Variants in TMTC2 observed in about 807,000 individuals in gnomAD.
TMTC2 encodes protein O-mannosyl-transferase TMTC2.
TMTC2 carries 43 observed loss-of-function variants against 82.4 expected under a neutral mutation model. The ratio of observed to expected loss-of-function variants is 0.52; its 90% CI spans 0.41 to 0.67. TMTC2 has a LOEUF of 0.67. Ranked by LOEUF, TMTC2 falls within the 30% of genes least tolerant of loss-of-function variation. The pLI is 0.00. For synonymous variants in TMTC2, 408 were observed against 381.9 expected, an observed-to-expected ratio of 1.07 and a Z score of -0.80; for missense variants, 919 against 1,012.4, an observed-to-expected ratio of 0.91 and a Z score of 1.25.
chr12:82,883,329 G>A (rs868150910), intron 2 of TMTC2, among the ~76,000 whole-genome samples: 14 of 152,066 alleles, frequency 9.2e-5, no homozygotes, highest in African/African-American at 3.4e-4. Flanking sequence ...ATTAAGCATT[G>A]AAATTATATG....
At chr12:83,128,008 G>A (rs1334522625) in intron 11 of TMTC2, among the ~76,000 whole-genome samples, 1 of 152,164 alleles carries the variant, frequency 6.6e-6, no homozygotes, top group Non-Finnish European at 1.5e-5. Flanking sequence ...AACAAGGAAT[G>A]TCTGGTTCTC....
At chr12:82,881,598 T>G (rs1872826485) in intron 2 of TMTC2, among the ~76,000 whole-genome samples, 1 of 152,150 alleles carries the variant, frequency 6.6e-6, no homozygotes, top group South Asian at 2.1e-4. Flanking sequence ...CTTCTTAATA[T>G]TTTCCTTTGT....
At chr12:82,920,147 A>G (rs1474016020) in intron 3 of TMTC2, among the ~76,000 whole-genome samples, 4 of 152,120 alleles carry the variant, frequency 2.6e-5, no homozygotes, top group Non-Finnish European at 5.9e-5. Context: ...AACTCATTAT[A>G]ACTTCTTTTA....
intron 1 of TMTC2, among the ~76,000 whole-genome samples, chr12:82,699,140 A>G (rs1872953101): frequency 6.6e-6 from 1 of 152,104 alleles, no homozygotes; most frequent in African/African-American, 2.4e-5. Context: ...TGACTTTTTC[A>G]CTTGGAGTCT....
Position 83,132,227 on chromosome 12 carries a change from G to T in TMTC2, c.2349G>T (p.Met783Ile), listed in dbSNP as rs752019038. The change falls in exon 12 of 12, where the codon ATG (methionine) becomes ATT (isoleucine). Residue 783 changes from methionine (M) to isoleucine (I), a missense_variant. Physicochemically the swap from Met to Ile is conservative, Grantham distance 10. Coordinates refer to ENST00000321196, the MANE Select transcript of TMTC2 (RefSeq NM_152588.3). ...TGTTGCAGTATCCGGCTGCTTTGAT[G>T]AACCTGGGAGCCATTCTGCACCTCA... ...RLRPNYPAAL[M>I]NLGAILHLNG... is the part of the protein sequence containing the mutation. 1.2e-6 allele frequency: 2 copies of T among 1,608,272 alleles called. No individual in the cohort carries two copies. Among genetic ancestry groups the T allele is most frequent in the South Asian group, 2.2e-5 (2 of 89,778 alleles).
chr12:82,721,162 TATC>T (rs1166281271), intron 1 of TMTC2, among the ~76,000 whole-genome samples: 1 of 152,244 alleles, frequency 6.6e-6, no homozygotes, highest in Non-Finnish European at 1.5e-5. Flanking sequence ...TGTAAACAGC[TATC>T]ATCCTTCCTC....
intron 3 of TMTC2, among the ~76,000 whole-genome samples, chr12:82,900,986 A>G (rs1263019867): frequency 2.9e-4 from 3 of 10,472 alleles, no homozygotes; most frequent in African/African-American, 1.7e-3. Context: ...ATATATCTGG[A>G]ATATATATAT....
chr12:83,029,238 C>G (rs1183974859), intron 8 of TMTC2, among the ~76,000 whole-genome samples: 3 of 152,152 alleles, frequency 2.0e-5, no homozygotes, highest in Non-Finnish European at 4.4e-5. Context: ...AGCCTGCAGA[C>G]AGCATGTGGC....
At chr12:82,801,542 G>C (rs1481027052) in intron 1 of TMTC2, among the ~76,000 whole-genome samples, 2 of 152,148 alleles carry the variant, frequency 1.3e-5, no homozygotes, top group African/African-American at 4.8e-5. Flanking sequence ...CTGTTTTACA[G>C]AGAGCTGATT....
At chr12:82,696,209 A>T (rs1872780588) in intron 1 of TMTC2, among the ~76,000 whole-genome samples, 1 of 152,190 alleles carries the variant, frequency 6.6e-6, no homozygotes, top group African/African-American at 2.4e-5. Flanking sequence ...AGACATTTTT[A>T]TTTGCAGAAA....
intron 1 of TMTC2, among the ~76,000 whole-genome samples, chr12:82,794,551 A>G (rs907377575): frequency 2.0e-5 from 3 of 152,020 alleles, no homozygotes; most frequent in Non-Finnish European, 4.4e-5. Flanking sequence ...CTATGGTTCT[A>G]TTTTGTGTTA....
intron 1 of TMTC2, among the ~76,000 whole-genome samples, chr12:82,723,663 C>G (rs1260836803): frequency 1.3e-5 from 2 of 152,168 alleles, no homozygotes; most frequent in Non-Finnish European, 2.9e-5. Flanking sequence ...GAATTTTCCA[C>G]TTGTAGCATC....
chr12:83,115,834 C>T (rs1310998065), intron 11 of TMTC2, among the ~76,000 whole-genome samples: 1 of 152,080 alleles, frequency 6.6e-6, no homozygotes, highest in Admixed American at 6.6e-5. Flanking sequence ...GTTGCCCAAG[C>T]TGGAGTGCAG....
chr12:82,920,962 A>G (rs1875356018), intron 3 of TMTC2, among the ~76,000 whole-genome samples: 1 of 152,210 alleles, frequency 6.6e-6, no homozygotes, highest in African/African-American at 2.4e-5. Flanking sequence ...AATATGACAT[A>G]TAAAATTATA....
chr12:82,967,266 C>T lies in TMTC2; in HGVS notation c.1948+269C>T, dbSNP rs75954836. On this transcript the variant is annotated intron_variant, in intron 7 of 11. Transcript: ENST00000321196. ...AAAACATCTGGGTATGGAATATTAGCTAGACTCTAGAGACTGTAGAAATAA... is the reference window on the plus strand; with the variant it reads ...AAAACATCTGGGTATGGAATATTAGTTAGACTCTAGAGACTGTAGAAATAA... Among the ~76,000 whole-genome samples, 42 of 151,998 alleles carry T rather than the reference C, an allele frequency of 2.8e-4. No homozygotes were observed. In the East Asian group the frequency reaches 7.5e-3, roughly 27 times the overall value.
intron 2 of TMTC2, among the ~76,000 whole-genome samples, chr12:82,879,199 G>A (rs1318292602): frequency 6.6e-6 from 1 of 152,176 alleles, no homozygotes; most frequent in Non-Finnish European, 1.5e-5. Context: ...AGAGTACTTT[G>A]ATGAACAGAG....
intron 1 of TMTC2, among the ~76,000 whole-genome samples, chr12:82,746,000 T>G (rs1384125351): frequency 6.6e-6 from 1 of 152,226 alleles, no homozygotes; most frequent in Non-Finnish European, 1.5e-5. Flanking sequence ...AAGGTGCTGA[T>G]CCTAAATTGT....
At chr12:82,953,677 A>G (rs1300936478) in intron 4 of TMTC2, among the ~76,000 whole-genome samples, 2 of 152,220 alleles carry the variant, frequency 1.3e-5, no homozygotes, top group African/African-American at 4.8e-5. Context: ...TCTCATTACT[A>G]AAGCCATTAG....
At chr12:82,837,993 A>G (rs909252566) in intron 1 of TMTC2, among the ~76,000 whole-genome samples, 4 of 152,196 alleles carry the variant, frequency 2.6e-5, no homozygotes, top group African/African-American at 9.6e-5. Context: ...ATCTTTATTT[A>G]CATCACAAAA....
Sources: allele counts gnomAD v4.1 joint callset (sites outside exome capture counted in the v4.1 genomes callset), GRCh38; gene constraint gnomAD v4.1.1; transcripts MANE v1.5; gene names NCBI Gene and HGNC (gene_info 2026-07-23, HGNC 2026-07-21).